The following AGMO variants were observed in gnomAD, a reference collection of about 807,000 sequenced individuals.
AGMO encodes alkylglycerol monooxygenase.
A neutral mutation model predicts 60.2 loss-of-function variants in AGMO; 75 were observed. That is an observed-to-expected ratio of 1.25 (90% CI 1.03 to 1.51). AGMO has a LOEUF of 1.51. AGMO is among the 40% of genes most tolerant of loss of function. AGMO has a pLI of 0.00. For missense variants in AGMO, 763 were observed against 525.5 expected (o/e 1.45, Z -4.42); for synonymous variants, 261 against 177.1 (o/e 1.47, Z -3.76).
intron 5 of AGMO, among the ~76,000 whole-genome samples, chr7:15,397,257 G>A (rs1266376794): frequency 6.6e-5 from 10 of 152,058 alleles, no homozygotes; most frequent in Admixed American, 2.0e-4. Context: ...ATGGTACCCA[G>A]ACCCTGATCA....
intron 3 of AGMO, among the ~76,000 whole-genome samples, chr7:15,463,265 A>G (rs144261843): frequency 1.2e-3 from 188 of 152,232 alleles, no homozygotes; most frequent in Non-Finnish European, 2.0e-3. Flanking sequence ...ATGGACATGG[A>G]CCTCAATAAA....
intron 12 of AGMO, among the ~76,000 whole-genome samples, chr7:15,223,800 CTT>C (rs1481015542): frequency 8.2e-6 from 1 of 122,698 alleles, no homozygotes; most frequent in African/African-American, 3.2e-5. Flanking sequence ...GAAAAATATT[CTT>C]GTTATGAAAT....
At chr7:15,371,831 CCTCAT>C (rs1783229968) in intron 10 of AGMO, among the ~76,000 whole-genome samples, 3 of 152,126 alleles carry the variant, frequency 2.0e-5, no homozygotes, top group African/African-American at 7.2e-5. Context: ...AGCCACCACA[CCTCAT>C]CTAATACCAA....
chr7:15,230,562 C>A (rs1266579048), intron 12 of AGMO, among the ~76,000 whole-genome samples: 1 of 152,158 alleles, frequency 6.6e-6, no homozygotes, highest in Non-Finnish European at 1.5e-5. Context: ...AAGACTCAGG[C>A]CCTCTGTTGG....
chr7:15,334,745 C>G (rs559068603), intron 12 of AGMO, among the ~76,000 whole-genome samples: 2 of 152,280 alleles, frequency 1.3e-5, no homozygotes, highest in South Asian at 4.1e-4. Flanking sequence ...ACCAGTGTCA[C>G]TTACAACCCT....
intron 3 of AGMO, among the ~76,000 whole-genome samples, chr7:15,444,111 C>G (rs938730093): frequency 1.3e-5 from 2 of 152,100 alleles, no homozygotes; most frequent in Non-Finnish European, 2.9e-5. Context: ...TTCGTATTTT[C>G]CACAGCATCT....
At chr7:15,488,152 A>C (rs1320783998) in intron 3 of AGMO, among the ~76,000 whole-genome samples, 1 of 152,222 alleles carries the variant, frequency 6.6e-6, no homozygotes, top group East Asian at 1.9e-4. Flanking sequence ...ATTTTGCCCA[A>C]GTTCTTAAGT....
chr7:15,512,867 T>G (rs1007169775), intron 3 of AGMO, among the ~76,000 whole-genome samples: 3 of 152,212 alleles, frequency 2.0e-5, no homozygotes, highest in Non-Finnish European at 4.4e-5. Context: ...CTATATTTTG[T>G]ATAGTTTCTT....
At chr7:15,319,703 G>A (rs10266201) in intron 12 of AGMO, among the ~76,000 whole-genome samples, 117,026 of 152,000 alleles carry the variant, frequency 0.77, 45,737 homozygotes, top group African/African-American at 0.89. Context: ...ACACACACAC[G>A]GAAAGATTCC....
intron 12 of AGMO, among the ~76,000 whole-genome samples, chr7:15,293,382 T>A (rs1279048041): frequency 6.6e-6 from 1 of 152,086 alleles, no homozygotes; most frequent in South Asian, 2.1e-4. Flanking sequence ...TTTCAGCATA[T>A]AACTAAACCG....
chr7:15,330,042 CTAAAA>C (rs902721906), intron 12 of AGMO, among the ~76,000 whole-genome samples: 2 of 137,026 alleles, frequency 1.5e-5, no homozygotes, highest in African/African-American at 5.1e-5. Context: ...TTTTGGATAA[CTAAAA>C]TATAGAATTA....
At chr7:15,458,972 G>C (rs1782066755) in intron 3 of AGMO, among the ~76,000 whole-genome samples, 1 of 151,896 alleles carries the variant, frequency 6.6e-6, no homozygotes, top group South Asian at 2.1e-4. Flanking sequence ...TTTTTTTCAG[G>C]TCAGAAGAGG....
At chr7:15,185,651 T>C in the AGMO span, among the ~76,000 whole-genome samples, 13 of 148,320 alleles carry the variant, frequency 8.8e-5, no homozygotes, top group Admixed American at 2.7e-4. Flanking sequence ...AGGCAGATGA[T>C]TTGTCTGAAA....
intron 3 of AGMO, among the ~76,000 whole-genome samples, chr7:15,502,847 T>G (rs1783421590): frequency 6.6e-6 from 1 of 152,024 alleles, no homozygotes; most frequent in Admixed American, 6.6e-5. Flanking sequence ...GAACATTGAT[T>G]TTAATACCTG....
chr7:15,468,852 T>C (rs1353103429), intron 3 of AGMO, among the ~76,000 whole-genome samples: 1 of 152,096 alleles, frequency 6.6e-6, no homozygotes, highest in Non-Finnish European at 1.5e-5. Flanking sequence ...AATTTTGTTT[T>C]AATACTGTAA....
intron 4 of AGMO, among the ~76,000 whole-genome samples, chr7:15,420,123 A>G (rs1447826485): frequency 6.6e-6 from 1 of 152,148 alleles, no homozygotes; most frequent in Non-Finnish European, 1.5e-5. Context: ...GCAGATGAAT[A>G]TTTATAGTTC....
In AGMO at chr7:15,342,779, CAAAAAA is replaced by C. The variant is rs780336320; in HGVS notation, c.1263+22729_1263+22734del. On this transcript the variant is annotated intron_variant, in intron 12 of 12. Coordinates refer to ENST00000342526, the MANE Select transcript of AGMO (RefSeq NM_001004320.2). The stretch of plus-strand genomic sequence containing the variant: ...TTTATGTGGGAGTACAGTATAGCTG[CAAAAAA>C]AAAAAAAAAAAAAAAAAAAATTGAT... Among the ~76,000 whole-genome samples the C allele has an allele frequency of 2.5e-3, 152 of 61,664 alleles. 2 individuals are homozygous for C. The highest frequency in any genetic ancestry group is 7.1e-3 in the East Asian group (9 of 1,272). The allele number at this position is 61,664 out of a possible 152,430, so 40.5% of individuals were successfully genotyped here.
At chr7:15,245,790 A>T (rs1414490938) in intron 12 of AGMO, among the ~76,000 whole-genome samples, 1 of 152,150 alleles carries the variant, frequency 6.6e-6, no homozygotes, top group Non-Finnish European at 1.5e-5. Flanking sequence ...AAATAGCACA[A>T]ATGCTTGGAT....
intron 5 of AGMO, among the ~76,000 whole-genome samples, chr7:15,399,294 A>G (rs1409366310): frequency 6.6e-6 from 1 of 152,128 alleles, no homozygotes; most frequent in Admixed American, 6.5e-5. Context: ...TCTGGGGAGA[A>G]ATTCTACAAT....
Sources: gnomAD v4.1 joint callset for allele counts (sites outside exome capture counted in the v4.1 genomes callset) on GRCh38, gnomAD v4.1.1 for gene constraint, MANE v1.5 for transcripts, NCBI Gene and HGNC (gene_info 2026-07-23, HGNC 2026-07-21) for gene names.